The following RBM24 variants were observed in gnomAD, a reference collection of about 807,000 sequenced individuals.
RBM24 encodes RNA binding motif protein 24.
A neutral mutation model predicts 23.6 loss-of-function variants in RBM24; 5 were observed. The ratio of observed to expected loss-of-function variants is 0.21; its 90% CI spans 0.11 to 0.45. The LOEUF is 0.45. RBM24 is among the 20% of genes least tolerant of loss of function. The pLI, the probability that RBM24 is intolerant of heterozygous loss-of-function variation, is 0.99. For synonymous variants in RBM24, 151 were observed against 129.5 expected, an observed-to-expected ratio of 1.17 and a Z score of -1.13; for missense variants, 252 against 314.6, an observed-to-expected ratio of 0.80 and a Z score of 1.51.
At chr6:17,285,723 C>G (rs987981115) in intron 3 of RBM24, among the ~76,000 whole-genome samples, 6 of 152,058 alleles carry the variant, frequency 3.9e-5, no homozygotes, top group Non-Finnish European at 2.9e-5. Flanking sequence ...AGGTGAACAC[C>G]TGTTCATATT....
intron 3 of RBM24, chr6:17,289,832 AGTAGGCTCTCTTAGCCGTGTCTACACGTT>A (rs1760300460): frequency 1.8e-6 from 2 of 1,110,420 alleles, no homozygotes; most frequent in Non-Finnish European, 2.2e-6. Context: ...CTGGCATAAG[AGTAGGCTCTCTTAGCCGTGTCTACACGTT>A]GTAGACACGG....
Position 17,291,780 on chromosome 6 carries a change from G to C in RBM24, c.372G>C (p.Pro124=), listed in dbSNP as rs143057187. ...GGATACCTGCCCACTATGTCTATCC[G>C]CAGGCTTTTGTGCAGCCGGGAGTGG... ...PFGIPAHYVY[P]QAFVQPGVVI... Residue 124 remains proline (P), a synonymous_variant, in exon 4 of 4, where the codon CCG becomes CCC. Coordinates refer to ENST00000379052, the MANE Select transcript of RBM24 (RefSeq NM_001143942.2). The C allele has an allele frequency of 6.2e-7, 1 of 1,611,972 alleles. No homozygotes were observed. The highest frequency in any genetic ancestry group is 2.2e-5 in the East Asian group (1 of 44,876).
rs1308816421 is a variant in RBM24 at position 17,289,296 on chromosome 6, G to C, written c.348-2460G>C. The C allele has an allele frequency of 3.0e-6, 3 of 985,274 alleles. No individual in the cohort carries two copies. The African/African-American group carries it at 5.2e-5, about 17-fold the overall frequency. 61.0% of individuals were successfully genotyped at this position (985,274 alleles called of 1,614,324 possible). A position where few individuals can be genotyped will look rare whatever the true frequency, so the allele number is the denominator to read the frequency against. ...CAATTCTGCCTTCCTTCCTGACCCA[G>C]GATATTTTAGGCTCTCCAAGGTCTT... On this transcript the variant is annotated intron_variant, in intron 3 of 3. Transcript: ENST00000379052.
chr6:17,288,953 A>AAAAAG, intron 3 of RBM24: 2 of 985,458 alleles, frequency 2.0e-6, no homozygotes, highest in Non-Finnish European at 2.4e-6. Context: ...GATAGATTGG[A>AAAAAG]AAAAGAAACC....
intron 1 of RBM24, 31 bp from the exon 2 acceptor site, chr6:17,282,774 G>T: frequency 6.2e-7 from 1 of 1,613,234 alleles, no homozygotes; most frequent in Non-Finnish European, 8.5e-7. Context: ...TAGAGGTTAT[G>T]TATGTATGTC....
At chr6:17,282,462 G>T in intron 1 of RBM24, 1 of 477,802 alleles carries the variant, frequency 2.1e-6, no homozygotes, top group Admixed American at 2.5e-5. Flanking sequence ...CTGGGGGGCG[G>T]GGGATTCGGG....
At position 17,292,045 on chromosome 6, in the gene RBM24, G is replaced by A. The variant is rs972729127; in HGVS notation, c.637G>A (p.Ala213Thr). 22 of 1,594,690 alleles carry A rather than the reference G, an allele frequency of 1.4e-5. No homozygotes were observed. The highest frequency in any genetic ancestry group is 2.2e-5 in the South Asian group (2 of 90,546). Residue 213 changes from alanine (A) to threonine (T), a missense_variant, in exon 4 of 4, where the codon GCT (alanine) becomes ACT (threonine). Transcript: ENST00000379052. ...GGCACCTGGGACAGCTGCCGCCGCC[G>A]CTGCAGCAGCTGCTGCCGCTGCAGC... ...AAAPGTAAAA[A>T]AAAAAAAAFG...
intron 2 of RBM24, among the ~76,000 whole-genome samples, chr6:17,284,044 G>A (rs1202688068): frequency 1.3e-5 from 2 of 152,042 alleles, no homozygotes. Context: ...TCACTCCTAA[G>A]CCTTTCCATC....
At chr6:17,284,028 T>C (rs1439604741) in intron 2 of RBM24, among the ~76,000 whole-genome samples, 2 of 152,212 alleles carry the variant, frequency 1.3e-5, no homozygotes, top group East Asian at 1.9e-4. Flanking sequence ...TTAAATCATA[T>C]ACTCTTCACT....
At chr6:17,290,932 G>A (rs1431974004) in intron 3 of RBM24, 1 of 1,203,614 alleles carries the variant, frequency 8.3e-7, no homozygotes, top group South Asian at 1.3e-5. Flanking sequence ...TTTTATGGGG[G>A]AAAAAAAAGA....
chr6:17,288,601 T>G, intron 3 of RBM24: 1 of 985,434 alleles, frequency 1.0e-6, no homozygotes, highest in East Asian at 1.1e-4. Context: ...CTGAAACCTC[T>G]ACACGTAGTG....
At chr6:17,284,188 T>C (rs530200545) in intron 2 of RBM24, among the ~76,000 whole-genome samples, 1 of 152,290 alleles carries the variant, frequency 6.6e-6, no homozygotes, top group Non-Finnish European at 1.5e-5. Flanking sequence ...GGGTATGTAG[T>C]ATCCAGAAAA....
intron 3 of RBM24, chr6:17,290,755 A>G (rs1760333682): frequency 1.2e-6 from 1 of 812,302 alleles, no homozygotes; most frequent in Admixed American, 2.6e-5. Flanking sequence ...TTAAATTTCT[A>G]TTAATTTTAG....
At chr6:17,287,753 G>A (rs1473242427) in intron 3 of RBM24, among the ~76,000 whole-genome samples, 2 of 151,834 alleles carry the variant, frequency 1.3e-5, no homozygotes, top group African/African-American at 2.4e-5. Flanking sequence ...AGCTTGCAGC[G>A]AGCCGAGATT....
At chr6:17,288,514 A>T (rs549627779) in intron 3 of RBM24, 1 of 985,296 alleles carries the variant, frequency 1.0e-6, no homozygotes, top group Admixed American at 6.1e-5. Context: ...CATTTCACAT[A>T]TGCAAAATAG....
Position 17,281,577 on chromosome 6 carries a change from C to T in RBM24, c.-5C>T. On this transcript the variant is annotated 5_prime_UTR_variant, in exon 1 of 4. Transcript: ENST00000379052. The surrounding 1 kb of genome is among the most constrained non-coding windows in gnomAD (Gnocchi z 7.1). ...CGGAGCCCGAGCCGCGGGGCGGGTG[C>T]GAAGATGCACACGACCCAGAAGGAC... 2.0e-6 allele frequency: 3 copies of T among 1,496,918 alleles called. No homozygotes were observed. The highest frequency in any genetic ancestry group is 1.8e-6 in the Non-Finnish European group (2 of 1,123,284). The allele number at this position is 1,496,918 out of a possible 1,614,324, so 92.7% of individuals were successfully genotyped here. A position where few individuals can be genotyped will look rare whatever the true frequency, so the allele number is the denominator to read the frequency against.
At chr6:17,290,909 G>A in intron 3 of RBM24, 3 of 1,283,528 alleles carry the variant, frequency 2.3e-6, no homozygotes, top group Non-Finnish European at 1.0e-6. Flanking sequence ...GTTGACCGTT[G>A]TGTCCTTATG....
chr6:17,289,307 G>T, intron 3 of RBM24: 4 of 985,278 alleles, frequency 4.1e-6, no homozygotes, highest in Non-Finnish European at 4.8e-6. Flanking sequence ...GATATTTTAG[G>T]CTCTCCAAGG....
rs1329084785 is a variant in RBM24 at position 17,291,966 on chromosome 6, A to G, written c.558A>G (p.Gly186=). ...ATGCAGCCTCTCCAGCTGCTGCAGG[A>G]TATGTTACTGCTGGGGGCTATGGCT... ...YPYAASPAAA[G]YVTAGGYGYA... is the part of the protein sequence containing the mutation. The change falls in exon 4 of 4, where the codon GGA becomes GGG. Residue 186 remains glycine, a synonymous_variant. Transcript: ENST00000379052. The G allele has an allele frequency of 6.2e-7, 1 of 1,611,470 alleles. No homozygotes were observed. The highest frequency in any genetic ancestry group is 8.5e-7 in the Non-Finnish European group (1 of 1,179,436).
Sources: allele counts gnomAD v4.1 joint callset (sites outside exome capture counted in the v4.1 genomes callset), GRCh38; gene constraint gnomAD v4.1.1; non-coding constraint Gnocchi (gnomAD v3.1); transcripts MANE v1.5; gene names NCBI Gene and HGNC (gene_info 2026-07-23, HGNC 2026-07-21).